The following RESF1 variants were observed in gnomAD, a reference collection of about 807,000 sequenced individuals.
RESF1 encodes the protein gonad expressed transcript.
RESF1 carries 65 observed loss-of-function variants against 134.7 expected under a neutral mutation model. That is an observed-to-expected ratio of 0.48 (90% CI 0.40 to 0.59). The LOEUF is 0.59. Among genes scored for constraint, RESF1 ranks in the 20% least tolerant of loss-of-function variants. RESF1 has a pLI of 0.00. For synonymous variants in RESF1, 762 were observed against 702.2 expected (o/e 1.09, Z -1.35); for missense variants, 2,274 against 2,002.7 (o/e 1.14, Z -2.59).
chr12:31,981,258 C>T lies in RESF1; in HGVS notation c.303C>T (p.Pro101=), dbSNP rs1281615112. ...ERITYANVNG[P]KQLTHNLQMS... ...TAACATATGCAAATGTTAATGGACC[C>T]AAACAACTAACTCACAATTTGCAGA... Residue 101 remains proline, a synonymous_variant, in exon 4 of 6, where the codon CCC becomes CCT. Transcript: ENST00000312561. 1 of 1,614,108 alleles carries T rather than the reference C, an allele frequency of 6.2e-7. No individual in the cohort carries two copies. The highest frequency in any genetic ancestry group is 8.5e-7 in the Non-Finnish European group (1 of 1,179,988).
chr12:31,971,571 A>G (rs533447112), intron 3 of RESF1, among the ~76,000 whole-genome samples: 1 of 152,344 alleles, frequency 6.6e-6, no homozygotes, highest in South Asian at 2.1e-4. Flanking sequence ...TAAAATCCAG[A>G]CTGACATTCT....
In RESF1 at chr12:31,985,633, A is replaced by G. The variant is rs1295337990; in HGVS notation, c.4678A>G (p.Asn1560Asp). The G allele has an allele frequency of 1.2e-6, 2 of 1,610,448 alleles. No individual in the cohort carries two copies. The highest frequency in any genetic ancestry group is 1.7e-6 in the Non-Finnish European group (2 of 1,179,220). Residue 1560 changes from asparagine (N) to aspartate (D), a missense_variant, in exon 4 of 6, where the codon AAT becomes GAT. Coordinates refer to ENST00000312561, the MANE Select transcript of RESF1 (RefSeq NM_018169.4). Reference sequence around the variant, plus strand: ...TAAGACTAAATTAGACAAATTAACCAATATAAGCAACGAAGCTCAATTCAG... The same window carrying G: ...TAAGACTAAATTAGACAAATTAACCGATATAAGCAACGAAGCTCAATTCAG... ...IDKTKLDKLT[N>D]ISNEAQFSQM... is the part of the protein sequence containing the mutation.
At chr12:31,991,461 C>A (rs937486081) in intron 5 of RESF1, among the ~76,000 whole-genome samples, 1 of 152,116 alleles carries the variant, frequency 6.6e-6, no homozygotes, top group Non-Finnish European at 1.5e-5. Context: ...AAACAAGACC[C>A]CATTATTCAG....
At chr12:31,970,539 G>A (rs1315277257) in intron 3 of RESF1, among the ~76,000 whole-genome samples, 183 bp downstream of exon 3, 1 of 152,090 alleles carries the variant, frequency 6.6e-6, no homozygotes, top group African/African-American at 2.4e-5. Context: ...GCTCTTTTAG[G>A]TATTAATAAC....
chr12:31,978,824 G>T (rs922372194), intron 3 of RESF1, among the ~76,000 whole-genome samples: 1 of 149,638 alleles, frequency 6.7e-6, no homozygotes, highest in Non-Finnish European at 1.5e-5. Context: ...GCCTCCCAAA[G>T]TGCTGCGATT....
At chr12:31,969,707 C>A (rs1359352041) in intron 2 of RESF1, among the ~76,000 whole-genome samples, 1 of 152,102 alleles carries the variant, frequency 6.6e-6, no homozygotes, top group East Asian at 1.9e-4. Flanking sequence ...GGCATGATTC[C>A]CGCTCACCAC....
At position 31,984,318 on chromosome 12, in the gene RESF1, G is replaced by C; in HGVS notation, c.3363G>C (p.Gln1121His). ...AAATGAAAGAAATATTTCCTGAACAGGATGATCAACCCTATGTAGTAGACA... is the reference window on the plus strand; with the variant it reads ...AAATGAAAGAAATATTTCCTGAACACGATGATCAACCCTATGTAGTAGACA... ...SEQMKEIFPEQDDQPYVVDKL... is the reference protein window; with the variant it reads ...SEQMKEIFPEHDDQPYVVDKL... The change falls in exon 4 of 6, where the codon CAG becomes CAC. Residue 1121 changes from glutamine (Q) to histidine (H), a missense_variant. Physicochemically the swap from Gln to His is conservative, Grantham distance 24. Coordinates refer to ENST00000312561, the MANE Select transcript of RESF1 (RefSeq NM_018169.4). 6.2e-7 allele frequency: 1 copy of C among 1,613,798 alleles called. No individual in the cohort carries two copies. Among genetic ancestry groups the C allele is most frequent in the South Asian group, 1.1e-5 (1 of 91,050 alleles).
chr12:31,962,088 T>C (rs528226651), intron 2 of RESF1, among the ~76,000 whole-genome samples: 17 of 151,982 alleles, frequency 1.1e-4, no homozygotes, highest in Non-Finnish European at 2.5e-4. Context: ...TAACAAAAAT[T>C]AGTCGGGCGT....
At position 31,984,820 on chromosome 12, in the gene RESF1, T is replaced by G; in HGVS notation, c.3865T>G (p.Leu1289Val). ...FSSKCDKLNP[L>V]QNHKRKKLRF... ...ATCTAAATGTGATAAACTAAATCCC[T>G]TGCAAAATCACAAAAGAAAAAAATT... Residue 1289 changes from leucine (L) to valine (V), a missense_variant, in exon 4 of 6, where the codon TTG becomes GTG. Physicochemically the swap from Leu to Val is conservative, Grantham distance 32 (BLOSUM62 1). Coordinates refer to ENST00000312561, the MANE Select transcript of RESF1 (RefSeq NM_018169.4). The G allele has an allele frequency of 6.2e-7, 1 of 1,606,338 alleles. No individual in the cohort carries two copies. Among genetic ancestry groups the G allele is most frequent in the Non-Finnish European group, 8.5e-7 (1 of 1,178,318 alleles).
In RESF1 at chr12:31,990,091, C is replaced by T. The variant is rs116188813; in HGVS notation, c.5087-2287C>T. Among the ~76,000 whole-genome samples, 1,314 of 152,188 alleles carry T rather than the reference C, an allele frequency of 8.6e-3. 22 individuals carry two copies. Among genetic ancestry groups the T allele is most frequent in the African/African-American group, 0.03 (1,249 of 41,520 alleles). On this transcript the variant is annotated intron_variant, in intron 5 of 5. Coordinates refer to ENST00000312561, the MANE Select transcript of RESF1 (RefSeq NM_018169.4). ...AAAAGCTCCTTGGAAACAGGAGAGA[C>T]ATGATTATCTCAAAGAGAAAGCGAG...
chr12:31,981,525 T>C lies in RESF1; in HGVS notation c.570T>C (p.Phe190=). Residue 190 remains phenylalanine, a synonymous_variant, in exon 4 of 6, where the codon TTT becomes TTC. Transcript: ENST00000312561. The part of the protein sequence containing the change: ...YQGNQGLNQS[F]SEQQVDWTQQ... ...GAAATCAGGGACTTAACCAGTCTTT[T>C]TCAGAGCAACAGGTTGATTGGACAC... 1 of 1,614,104 alleles carries C rather than the reference T, an allele frequency of 6.2e-7. No homozygotes were observed. The highest frequency in any genetic ancestry group is 8.5e-7 in the Non-Finnish European group (1 of 1,179,956).
intron 5 of RESF1, among the ~76,000 whole-genome samples, chr12:31,987,658 T>C (rs1940005439): frequency 6.6e-6 from 1 of 152,216 alleles, no homozygotes. Context: ...CAGCTCTGAC[T>C]CTGTTTCAGG....
rs753704502 is a variant in RESF1, at chr12:31,983,033, G to T, written c.2078G>T (p.Cys693Phe). The change falls in exon 4 of 6, where the codon TGT (cysteine) becomes TTT (phenylalanine). Residue 693 changes from cysteine (C) to phenylalanine (F), a missense_variant. Physicochemically the swap from Cys to Phe is radical, Grantham distance 205. Transcript: ENST00000312561. ...QPSDTAKEKE[C>F]DKLRTNTTAV... ...TCAGATACTGCAAAAGAAAAGGAGT[G>T]TGATAAACTCAGAACAAACACAACA... is the stretch of plus-strand genomic sequence containing the variant. The T allele has an allele frequency of 1.2e-6, 2 of 1,614,052 alleles. No homozygotes were observed. The highest frequency in any genetic ancestry group is 4.5e-5 in the East Asian group (2 of 44,874).
chr12:31,976,613 G>A (rs1203416511), intron 3 of RESF1, among the ~76,000 whole-genome samples: 1 of 151,984 alleles, frequency 6.6e-6, no homozygotes, highest in African/African-American at 2.4e-5. Context: ...AACCCAGGAG[G>A]CAGAGGTTGC....
chr12:31,974,214 C>T (rs1939578823), intron 3 of RESF1, among the ~76,000 whole-genome samples: 1 of 151,762 alleles, frequency 6.6e-6, no homozygotes, highest in South Asian at 2.1e-4. Flanking sequence ...TCCTGTTACT[C>T]AGGAGATTAC....
intron 2 of RESF1, among the ~76,000 whole-genome samples, chr12:31,963,082 T>G (rs1349291384): frequency 6.9e-6 from 1 of 144,380 alleles, no homozygotes; most frequent in African/African-American, 2.6e-5. Flanking sequence ...ATAAAGTCCA[T>G]GGGCTGGTCG....
Position 31,981,352 on chromosome 12 carries a change from G to A in RESF1, c.397G>A (p.Gly133Arg), listed in dbSNP as rs772414752. 11 of 1,614,074 alleles carry A rather than the reference G, an allele frequency of 6.8e-6. No individual in the cohort carries two copies. The highest frequency in any genetic ancestry group is 8.5e-6 in the Non-Finnish European group (10 of 1,180,002). Residue 133 changes from glycine (G) to arginine (R), a missense_variant, in exon 4 of 6, where the codon GGG (glycine) becomes AGG (arginine). Gly to Arg is a moderately radical substitution (Grantham distance 125). Transcript: ENST00000312561. ...GAGGAATCCTGTGCATTCTCATATA[G>A]GGGCAACTGTATCTCATCAAACTGA... The part of the protein sequence containing the change: ...PMRNPVHSHI[G>R]ATVSHQTDFG...
At chr12:31,960,329 G>A (rs1948411433) in intron 1 of RESF1, among the ~76,000 whole-genome samples, 1 of 152,114 alleles carries the variant, frequency 6.6e-6, no homozygotes, top group Non-Finnish European at 1.5e-5. Context: ...TCATTTAGTG[G>A]CGGGCGGGTG....
At chr12:31,962,629 G>A (rs1031505961) in intron 2 of RESF1, 10 of 152,212 alleles carry the variant, frequency 6.6e-5, no homozygotes, top group Non-Finnish European at 1.3e-4. Flanking sequence ...AGTAACTTAA[G>A]ATTCTCTTGA....
Sources: allele counts gnomAD v4.1 joint callset (sites outside exome capture counted in the v4.1 genomes callset), GRCh38; gene constraint gnomAD v4.1.1; transcripts MANE v1.5; gene names NCBI Gene and HGNC (gene_info 2026-07-23, HGNC 2026-07-21).